The following MAD1L1 variants were observed in gnomAD, a reference collection of about 807,000 sequenced individuals.
The protein encoded by MAD1L1 is mitotic spindle assembly checkpoint protein MAD1.
Under a neutral mutation model 96.9 loss-of-function variants are expected in MAD1L1, and 95 were observed. That is an observed-to-expected ratio of 0.98 (90% CI 0.83 to 1.16). The LOEUF (loss-of-function observed/expected upper bound fraction) is 1.16, where lower values mean the gene tolerates loss of function less well. Among genes scored for constraint, MAD1L1 ranks in the 50% most tolerant of loss-of-function variants. MAD1L1 has a pLI of 0.00. For missense variants in MAD1L1, 1,007 were observed against 954.4 expected (o/e 1.06, Z -0.73); for synonymous variants, 473 against 396.6 (o/e 1.19, Z -2.29).
intron 12 of MAD1L1, among the ~76,000 whole-genome samples, chr7:2,021,543 G>A (rs1445978864): frequency 1.3e-5 from 2 of 152,176 alleles, no homozygotes; most frequent in African/African-American, 4.8e-5. Flanking sequence ...CAGGCAGATG[G>A]TCTGGTGTCA....
chr7:2,141,487 G>A (rs1280424038), intron 11 of MAD1L1, among the ~76,000 whole-genome samples: 1 of 152,194 alleles, frequency 6.6e-6, no homozygotes, highest in Admixed American at 6.5e-5. Flanking sequence ...TGGCAGGATG[G>A]GCACCGGGTC....
intron 15 of MAD1L1, among the ~76,000 whole-genome samples, chr7:1,961,398 C>T (rs995158607): frequency 1.3e-5 from 2 of 152,140 alleles, no homozygotes; most frequent in South Asian, 2.1e-4. Context: ...ACAGACAGAC[C>T]GATCAAACAA....
chr7:2,066,834 G>T (rs1317882855), intron 12 of MAD1L1, among the ~76,000 whole-genome samples: 2 of 152,250 alleles, frequency 1.3e-5, no homozygotes, highest in Non-Finnish European at 2.9e-5. Flanking sequence ...GTCACAGGCT[G>T]CAGGCCAGAC....
chr7:1,905,601 C>T (rs1787579066), intron 17 of MAD1L1, among the ~76,000 whole-genome samples: 1 of 152,230 alleles, frequency 6.6e-6, no homozygotes, highest in African/African-American at 2.4e-5. Flanking sequence ...GACGCAGTAG[C>T]CTATGGAAGA....
chr7:2,157,215 G>C (rs1789890677), intron 10 of MAD1L1, among the ~76,000 whole-genome samples: 1 of 152,182 alleles, frequency 6.6e-6, no homozygotes, highest in Admixed American at 6.5e-5. Flanking sequence ...TTTAAGAATA[G>C]AAATCAATAG....
chr7:1,886,514 G>A (rs916560264), intron 18 of MAD1L1, among the ~76,000 whole-genome samples: 1 of 152,254 alleles, frequency 6.6e-6, no homozygotes, highest in Non-Finnish European at 1.5e-5. Context: ...ACAAGAATGG[G>A]CGGCTGAGTG....
chr7:1,953,716 G>A (rs1272902016), intron 16 of MAD1L1, among the ~76,000 whole-genome samples: 1 of 152,230 alleles, frequency 6.6e-6, no homozygotes, highest in East Asian at 1.9e-4. Context: ...GGGTGACCAG[G>A]CGCTCGCTGC....
At chr7:2,182,635 G>A (rs1791255246) in intron 10 of MAD1L1, among the ~76,000 whole-genome samples, 1 of 152,212 alleles carries the variant, frequency 6.6e-6, no homozygotes, top group Non-Finnish European at 1.5e-5. Context: ...GCCATGTGGT[G>A]GAAGGGAGCG....
intron 12 of MAD1L1, among the ~76,000 whole-genome samples, chr7:2,068,819 A>C (rs745312875): frequency 2.9e-4 from 44 of 152,224 alleles, no homozygotes; most frequent in Admixed American, 5.9e-4. Context: ...GCCCAGGCCA[A>C]GACCCACACA....
intron 11 of MAD1L1, among the ~76,000 whole-genome samples, chr7:2,121,698 G>A (rs1047932437): frequency 6.6e-6 from 1 of 151,684 alleles, no homozygotes; most frequent in Admixed American, 6.5e-5. Flanking sequence ...GAGCCTGGGG[G>A]CCAGGAGTCC....
chr7:1,889,563 C>G (rs150017667), intron 18 of MAD1L1, among the ~76,000 whole-genome samples: 4 of 139,278 alleles, frequency 2.9e-5, no homozygotes, highest in Non-Finnish European at 6.6e-5. Flanking sequence ...CCAAGTGGAG[C>G]TGCCCCTGCA....
intron 10 of MAD1L1, among the ~76,000 whole-genome samples, chr7:2,196,907 C>A (rs1379909321): frequency 6.6e-6 from 1 of 152,220 alleles, no homozygotes; most frequent in East Asian, 1.9e-4. Context: ...TTCGGGGCTG[C>A]TGAAACCTGC....
At chr7:2,196,457 G>A (rs551951433) in intron 10 of MAD1L1, among the ~76,000 whole-genome samples, 17 of 152,274 alleles carry the variant, frequency 1.1e-4, no homozygotes, top group East Asian at 1.9e-4. Context: ...ACGCTCCTGC[G>A]GCATCTTCCA....
Position 2,040,095 on chromosome 7 carries a change from T to C in MAD1L1, c.1219-25453A>G, listed in dbSNP as rs199563100. On this transcript the variant is annotated intron_variant, in intron 12 of 18. Coordinates refer to ENST00000265854, the MANE Select transcript of MAD1L1 (RefSeq NM_001013836.2). ...GGAGTGAAAGAGACACTAGCTGACC[T>C]TCCAGAGATAAAGGCTGTAAAGGAA... 2.7e-4 allele frequency among the ~76,000 whole-genome samples: 41 copies of C among 152,278 alleles called. No individual in the cohort carries two copies. The East Asian group carries it at 3.1e-3, about 11-fold the overall frequency.
At chr7:2,188,612 G>T (rs551793793) in intron 10 of MAD1L1, among the ~76,000 whole-genome samples, 1 of 152,140 alleles carries the variant, frequency 6.6e-6, no homozygotes, top group Non-Finnish European at 1.5e-5. Flanking sequence ...TCAACACATG[G>T]TGCTGGAAAA....
chr7:1,993,413 C>G (rs915956267), intron 14 of MAD1L1, among the ~76,000 whole-genome samples: 1 of 152,298 alleles, frequency 6.6e-6, no homozygotes, highest in Non-Finnish European at 1.5e-5. Flanking sequence ...CTAAAGTTTA[C>G]CGGAAAAAAC....
intron 13 of MAD1L1, among the ~76,000 whole-genome samples, chr7:2,012,164 G>A (rs1226895463): frequency 6.6e-6 from 1 of 152,204 alleles, no homozygotes; most frequent in Non-Finnish European, 1.5e-5. Context: ...GCCCGGCAAG[G>A]GGGCAAGCAC....
chr7:1,909,948 G>A (rs886518030), intron 17 of MAD1L1, among the ~76,000 whole-genome samples: 2 of 152,188 alleles, frequency 1.3e-5, no homozygotes, highest in Non-Finnish European at 2.9e-5. Flanking sequence ...GGCGCTGGCT[G>A]GGTGAGCTCT....
intron 5 of MAD1L1, chr7:2,221,120 C>A (rs1331537849): frequency 2.6e-6 from 3 of 1,155,404 alleles, no homozygotes; most frequent in Admixed American, 4.2e-5. Context: ...AGCAGCAGCA[C>A]CTGCAGCGCC....
Sources: allele counts gnomAD v4.1 joint callset (sites outside exome capture counted in the v4.1 genomes callset), GRCh38; gene constraint gnomAD v4.1.1; transcripts MANE v1.5; gene names NCBI Gene and HGNC (gene_info 2026-07-23, HGNC 2026-07-21).